Variants in MARCHF3 observed in about 807,000 individuals in gnomAD.
MARCHF3 encodes the protein membrane associated ring-CH-type finger 3, also known as E3 ubiquitin-protein ligase MARCHF3.
MARCHF3 carries 13 observed loss-of-function variants against 24.2 expected under a neutral mutation model. The ratio of observed to expected loss-of-function variants is 0.54; its 90% CI spans 0.35 to 0.85. The LOEUF (loss-of-function observed/expected upper bound fraction) is 0.85. MARCHF3 is among the 40% of genes least tolerant of loss of function. MARCHF3 has a pLI of 0.01. For missense variants in MARCHF3, 276 were observed against 325.0 expected, an observed-to-expected ratio of 0.85 and a Z score of 1.16; for synonymous variants, 144 against 137.3, an observed-to-expected ratio of 1.05 and a Z score of -0.34.
rs114549712 is a variant in MARCHF3, at chr5:126,921,892, A to G, written c.-56-3665T>C. On this transcript the variant is annotated intron_variant, in intron 1 of 4. Coordinates refer to ENST00000308660, the MANE Select transcript of MARCHF3 (RefSeq NM_178450.5). ...GGGAGTAGGTGGATAAGAGGGAGAC[A>G]GTGAAAACAGAGGGGGTGGGCAAAT... 9.7e-3 allele frequency among the ~76,000 whole-genome samples: 1,473 copies of G among 152,304 alleles called. 16 individuals carry two copies. The highest frequency in any genetic ancestry group is 0.034 in the African/African-American group (1,405 of 41,564).
At chr5:126,909,950 G>T (rs1038756058) in intron 3 of MARCHF3, among the ~76,000 whole-genome samples, 6 of 152,178 alleles carry the variant, frequency 3.9e-5, no homozygotes, top group African/African-American at 1.4e-4. Context: ...TAAGTGCTAT[G>T]TGTGAAAACA....
intron 1 of MARCHF3, among the ~76,000 whole-genome samples, chr5:127,014,340 C>T (rs936329797): frequency 6.6e-6 from 1 of 152,104 alleles, no homozygotes; most frequent in African/African-American, 2.4e-5. Flanking sequence ...AAAAGACAAT[C>T]TTATACACTG....
At chr5:126,968,722 A>G (rs1750899368) in intron 1 of MARCHF3, among the ~76,000 whole-genome samples, 1 of 152,016 alleles carries the variant, frequency 6.6e-6, no homozygotes, top group Non-Finnish European at 1.5e-5. Flanking sequence ...TTACAGGTGT[A>G]CCCCAGCAAG....
chr5:126,955,093 T>A (rs1483889870), intron 1 of MARCHF3, among the ~76,000 whole-genome samples: 2 of 152,262 alleles, frequency 1.3e-5, no homozygotes, highest in Non-Finnish European at 2.9e-5. Context: ...TTGATACATA[T>A]GGATCTAATT....
chr5:126,911,889 AT>A (rs1211593412), intron 3 of MARCHF3, among the ~76,000 whole-genome samples: 5 of 152,212 alleles, frequency 3.3e-5, no homozygotes, highest in African/African-American at 1.2e-4. Flanking sequence ...TAAGTGTAGA[AT>A]ACACATTTTT....
At chr5:127,027,465 A>C (rs1277801009) in intron 1 of MARCHF3, among the ~76,000 whole-genome samples, 4 of 152,188 alleles carry the variant, frequency 2.6e-5, no homozygotes, top group Non-Finnish European at 5.9e-5. Context: ...TGCAGGAGGA[A>C]ATGCTCAACC....
intron 1 of MARCHF3, among the ~76,000 whole-genome samples, chr5:126,941,050 G>A (rs2126809615): frequency 6.6e-6 from 1 of 152,242 alleles, no homozygotes; most frequent in South Asian, 2.1e-4. Context: ...ATGTGACATG[G>A]ATGGTAGAAA....
intron 1 of MARCHF3, among the ~76,000 whole-genome samples, chr5:126,970,454 T>C (rs752344240): frequency 6.6e-5 from 10 of 152,186 alleles, no homozygotes; most frequent in Non-Finnish European, 1.3e-4. Context: ...AAAATTAGCA[T>C]GGATTAAATT....
At chr5:126,934,649 T>C (rs141318868) in intron 1 of MARCHF3, among the ~76,000 whole-genome samples, 288 of 151,420 alleles carry the variant, frequency 1.9e-3, no homozygotes, top group African/African-American at 6.8e-3. Context: ...ATGGAGAATA[T>C]TGTTGAAAAA....
rs543631114 is a variant in MARCHF3 at position 126,993,401 on chromosome 5, AATAT to A, written c.-57+36945_-57+36948del. On this transcript the variant is annotated intron_variant, in intron 1 of 4. Coordinates refer to ENST00000308660, the MANE Select transcript of MARCHF3 (RefSeq NM_178450.5). ...AGTAATCAGTTATTAGGCAATTGAG[AATAT>A]ATATACATGTTGATACTACTCCTTT... Among the ~76,000 whole-genome samples the A allele has an allele frequency of 2.5e-3, 383 of 152,310 alleles. 2 individuals carry two copies. Among genetic ancestry groups the A allele is most frequent in the Non-Finnish European group, 2.1e-3 (142 of 68,030 alleles).
intron 1 of MARCHF3, among the ~76,000 whole-genome samples, chr5:127,009,825 A>T (rs1752423053): frequency 6.6e-6 from 1 of 152,236 alleles, no homozygotes; most frequent in Non-Finnish European, 1.5e-5. Context: ...TAAAGGAAAC[A>T]GCCAAAATTG....
intron 1 of MARCHF3, among the ~76,000 whole-genome samples, chr5:126,985,551 C>T (rs558685698): frequency 1.3e-5 from 2 of 151,218 alleles, no homozygotes; most frequent in Non-Finnish European, 2.9e-5. Flanking sequence ...CTCACTGCAA[C>T]CTCCCCCTCT....
At chr5:126,918,308 CAT>C (rs1230470827) in intron 1 of MARCHF3, 81 bp from the exon 2 acceptor site, 1 of 838,172 alleles carries the variant, frequency 1.2e-6, no homozygotes, top group East Asian at 2.7e-5. Context: ...ACATCATCAT[CAT>C]GTCATTATTT....
chr5:127,011,357 T>C (rs541904734), intron 1 of MARCHF3, among the ~76,000 whole-genome samples: 88 of 152,232 alleles, frequency 5.8e-4, no homozygotes, highest in Middle Eastern at 3.4e-3. Flanking sequence ...CTCATCCAAA[T>C]AACCTCAAGC....
At chr5:126,969,112 TTTA>T (rs1750911504) in intron 1 of MARCHF3, among the ~76,000 whole-genome samples, 1 of 152,212 alleles carries the variant, frequency 6.6e-6, no homozygotes, top group African/African-American at 2.4e-5. Context: ...TCTTATGAGT[TTTA>T]TATTTTAGCT....
intron 1 of MARCHF3, among the ~76,000 whole-genome samples, chr5:126,927,167 T>C (rs984172079): frequency 6.6e-6 from 1 of 152,196 alleles, no homozygotes; most frequent in African/African-American, 2.4e-5. Context: ...TTCTTTTTGA[T>C]TGGCTCCCTA....
At chr5:126,932,412 T>A (rs1749507818) in intron 1 of MARCHF3, among the ~76,000 whole-genome samples, 1 of 152,264 alleles carries the variant, frequency 6.6e-6, no homozygotes, top group Non-Finnish European at 1.5e-5. Flanking sequence ...TTAAAGTGTC[T>A]TACCCAGTGG....
intron 1 of MARCHF3, among the ~76,000 whole-genome samples, chr5:126,952,598 C>T (rs1054495840): frequency 1.3e-5 from 2 of 152,082 alleles, no homozygotes; most frequent in African/African-American, 2.4e-5. Flanking sequence ...TTGTTCCCTC[C>T]TTTCCCCACG....
intron 3 of MARCHF3, among the ~76,000 whole-genome samples, chr5:126,911,613 A>G (rs1246551994): frequency 2.0e-5 from 3 of 152,254 alleles, no homozygotes; most frequent in African/African-American, 7.2e-5. Context: ...GATGATTGCA[A>G]TGTAGTGCTC....
Sources: allele counts gnomAD v4.1 joint callset (sites outside exome capture counted in the v4.1 genomes callset), GRCh38; gene constraint gnomAD v4.1.1; transcripts MANE v1.5; gene names NCBI Gene and HGNC (gene_info 2026-07-23, HGNC 2026-07-21).